Variants in DTNB observed in about 807,000 individuals in gnomAD.
The protein encoded by DTNB is dystrobrevin beta.
Under a neutral mutation model 90.7 loss-of-function variants are expected in DTNB, and 63 were observed. The observed-to-expected ratio is 0.69, with a 90% CI of 0.57 to 0.86. The LOEUF is 0.86. DTNB is among the 40% of genes least tolerant of loss of function. The probability of loss-of-function intolerance (pLI) is 0.00; values close to 1 mark genes in which losing one functional copy is unlikely to be tolerated. For synonymous variants in DTNB, 277 were observed against 286.7 expected (o/e 0.97, Z 0.34); for missense variants, 744 against 807.1 (o/e 0.92, Z 0.95).
chr2:25,591,620 C>T (rs899680620), intron 6 of DTNB, among the ~76,000 whole-genome samples: 14 of 152,148 alleles, frequency 9.2e-5, no homozygotes, highest in Admixed American at 6.5e-5. Context: ...GTTAATATAT[C>T]TGGGCTACTC....
chr2:25,430,746 G>A (rs1457619539), intron 14 of DTNB, among the ~76,000 whole-genome samples: 2 of 152,174 alleles, frequency 1.3e-5, no homozygotes, highest in African/African-American at 4.8e-5. Context: ...GTAAGGGAGA[G>A]GTACTTCTAT....
At chr2:25,653,852 G>C (rs1313393401) in intron 1 of DTNB, among the ~76,000 whole-genome samples, 1 of 152,120 alleles carries the variant, frequency 6.6e-6, no homozygotes, top group African/African-American at 2.4e-5. Context: ...CCTGGGACTG[G>C]AGTGTGGGAA....
chr2:25,441,528 G>A (rs533498740), intron 12 of DTNB, among the ~76,000 whole-genome samples: 2 of 152,304 alleles, frequency 1.3e-5, no homozygotes, highest in Admixed American at 6.5e-5. Context: ...TGTGATGCAC[G>A]AATTTCCCCT....
At chr2:25,529,618 AAAC>A (rs988117600) in intron 9 of DTNB, among the ~76,000 whole-genome samples, 1 of 152,216 alleles carries the variant, frequency 6.6e-6, no homozygotes, top group African/African-American at 2.4e-5. Context: ...ACCGCAGGAA[AAAC>A]AACAACTGTA....
At chr2:25,635,614 T>C (rs1391755063) in intron 3 of DTNB, among the ~76,000 whole-genome samples, 1 of 152,006 alleles carries the variant, frequency 6.6e-6, no homozygotes, top group African/African-American at 2.4e-5. Flanking sequence ...AGAATCCCAA[T>C]CAAAATCTCT....
At chr2:25,526,395 A>ATATATATATATAT in intron 9 of DTNB, among the ~76,000 whole-genome samples, 16 of 49,826 alleles carry the variant, frequency 3.2e-4, no homozygotes, top group South Asian at 2.0e-3. Context: ...ATATATATAT[A>ATATATATATATAT]TTTTTTTTTT....
Position 25,627,967 on chromosome 2 carries a change from A to G in DTNB, c.362+204T>C, listed in dbSNP as rs967227852. Among the ~76,000 whole-genome samples the G allele has an allele frequency of 2.0e-5, 3 of 151,958 alleles. 1 individual carries two copies. Among genetic ancestry groups the G allele is most frequent in the African/African-American group, 7.3e-5 (3 of 41,378 alleles). ...TAGCCGGGATGGTCTCCATCTCCTGACCTTGTGATTTGCCCTCCTTGGCCT... is the reference window on the plus strand; with the variant it reads ...TAGCCGGGATGGTCTCCATCTCCTGGCCTTGTGATTTGCCCTCCTTGGCCT... On this transcript the variant is annotated intron_variant, in intron 4 of 20. Coordinates refer to ENST00000406818, the MANE Select transcript of DTNB (RefSeq NM_021907.5).
At chr2:25,542,084 T>C (rs1308544501) in intron 8 of DTNB, among the ~76,000 whole-genome samples, 4 of 152,176 alleles carry the variant, frequency 2.6e-5, no homozygotes, top group African/African-American at 9.7e-5. Context: ...TTTGTTGTTG[T>C]TCTGTGTGTG....
intron 5 of DTNB, among the ~76,000 whole-genome samples, chr2:25,597,295 C>T (rs1481716975): frequency 1.3e-5 from 2 of 151,562 alleles, no homozygotes; most frequent in Non-Finnish European, 2.9e-5. Context: ...GCCATGATCA[C>T]ACCACTGCAC....
chr2:25,559,888 A>T (rs115661436), intron 8 of DTNB, among the ~76,000 whole-genome samples: 85 of 152,366 alleles, frequency 5.6e-4, no homozygotes, highest in Non-Finnish European at 8.4e-4. Context: ...ACAGCCACAA[A>T]GTCAAAGAAC....
Position 25,652,648 on chromosome 2 carries a change from T to C in DTNB, c.13A>G (p.Ser5Gly), listed in dbSNP as rs1559394982. The C allele has an allele frequency of 6.2e-7, 1 of 1,612,610 alleles. No individual in the cohort carries two copies. Among genetic ancestry groups the C allele is most frequent in the East Asian group, 2.2e-5 (1 of 44,838 alleles). ...GCCATGGTCTTCCGCTTGTTCCCAC[T>C]TTCCTCAATCATCCTAGAGACAAAG... MIEE[S>G]GNKRKTMAEK... Residue 5 changes from serine to glycine, a missense_variant, in exon 2 of 21, where the codon AGT becomes GGT. Coordinates refer to ENST00000406818, the MANE Select transcript of DTNB (RefSeq NM_021907.5).
At chr2:25,494,474 G>C (rs1267455210) in intron 9 of DTNB, among the ~76,000 whole-genome samples, 1 of 150,006 alleles carries the variant, frequency 6.7e-6, no homozygotes, top group East Asian at 2.0e-4. Flanking sequence ...AGGGGGGTGG[G>C]GGGAGGAGGG....
intron 12 of DTNB, among the ~76,000 whole-genome samples, chr2:25,445,227 T>C (rs970788799): frequency 2.6e-5 from 4 of 151,652 alleles, no homozygotes; most frequent in Admixed American, 6.6e-5. Flanking sequence ...AGTTTATTTA[T>C]ACATTTTAAT....
chr2:25,512,297 C>T (rs933265916), intron 9 of DTNB, among the ~76,000 whole-genome samples: 1 of 152,202 alleles, frequency 6.6e-6, no homozygotes, highest in Non-Finnish European at 1.5e-5. Context: ...ACCAAATCAA[C>T]AAGCAAGGTC....
At chr2:25,652,827 C>A in intron 1 of DTNB, 166 bp from the exon 2 acceptor site, 1 of 545,956 alleles carries the variant, frequency 1.8e-6, no homozygotes, top group East Asian at 3.1e-5. Context: ...AGATAAACTG[C>A]CATCCTTTTA....
At chr2:25,416,297 C>G (rs2047910264) in intron 16 of DTNB, among the ~76,000 whole-genome samples, 1 of 152,222 alleles carries the variant, frequency 6.6e-6, no homozygotes, top group Non-Finnish European at 1.5e-5. Context: ...CAAAAGTTCT[C>G]TATAATGGAT....
chr2:25,550,173 C>T (rs1292134240), intron 8 of DTNB, among the ~76,000 whole-genome samples: 1 of 151,980 alleles, frequency 6.6e-6, no homozygotes, highest in Non-Finnish European at 1.5e-5. Context: ...GGGCGGATCA[C>T]GAGGTCAGGA....
chr2:25,598,148 T>G (rs1477099827), intron 5 of DTNB, among the ~76,000 whole-genome samples: 1 of 152,216 alleles, frequency 6.6e-6, no homozygotes, highest in East Asian at 1.9e-4. Flanking sequence ...TCCAGAAGAC[T>G]AGGTAAACAA....
chr2:25,671,997 C>T (rs2086029165), intron 1 of DTNB, among the ~76,000 whole-genome samples: 2 of 151,932 alleles, frequency 1.3e-5, no homozygotes, highest in Admixed American at 1.3e-4. Flanking sequence ...CAACACTACC[C>T]TCTTCCTTCT....
Sources: gnomAD v4.1 joint callset for allele counts (sites outside exome capture counted in the v4.1 genomes callset) on GRCh38, gnomAD v4.1.1 for gene constraint, MANE v1.5 for transcripts, NCBI Gene and HGNC (gene_info 2026-07-23, HGNC 2026-07-21) for gene names.